NDUFA5: variants seen among roughly 807,000 people sequenced by gnomAD.
NDUFA5 encodes NADH:ubiquinone oxidoreductase subunit A5.
In NDUFA5, 11 loss-of-function variants were observed where a neutral mutation model predicts 19.8. The observed-to-expected ratio is 0.56, with a 90% CI of 0.35 to 0.92. The LOEUF (loss-of-function observed/expected upper bound fraction) is 0.92. Ranked by LOEUF, NDUFA5 falls within the 40% of genes least tolerant of loss-of-function variation. The probability of loss-of-function intolerance (pLI) is 0.01; values close to 1 mark genes in which losing one functional copy is unlikely to be tolerated. For synonymous variants in NDUFA5, 47 were observed against 46.8 expected (o/e 1.00, Z -0.01); for missense variants, 109 against 134.2 (o/e 0.81, Z 0.93).
intron 4 of NDUFA5, 111 bp downstream of exon 4, chr7:123,545,500 C>T (rs1798096001): frequency 1.3e-6 from 1 of 798,426 alleles, no homozygotes; most frequent in South Asian, 1.5e-5. Context: ...ATTAGTCTTA[C>T]ATATTTGACG....
chr7:123,564,346 T>A, the NDUFA5 span, among the ~76,000 whole-genome samples: 1 of 152,184 alleles, frequency 6.6e-6, no homozygotes, highest in Non-Finnish European at 1.5e-5. Context: ...TTTTAAAAAG[T>A]ACTTTGCTCA....
chr7:123,597,490 TC>T, the NDUFA5 span, among the ~76,000 whole-genome samples: 8 of 152,184 alleles, frequency 5.3e-5, no homozygotes, highest in Non-Finnish European at 8.8e-5. Context: ...TACATAGAGT[TC>T]TGTATTATTT....
chr7:123,560,220 A>G (rs1798671665), upstream of NDUFA5, among the ~76,000 whole-genome samples: 1 of 152,186 alleles, frequency 6.6e-6, no homozygotes, highest in African/African-American at 2.4e-5. Flanking sequence ...ACCCCACAAC[A>G]TCATACTTAA....
In NDUFA5 at chr7:123,557,102, T is replaced by C. The variant is rs1353881788; in HGVS notation, c.66+302A>G. ...GAAACGGTAAGGCAAGGAGAAAAGA[T>C]GGAAAACGGAGATATAAATTTGAGA... On this transcript the variant is annotated intron_variant, in intron 2 of 4. Transcript: ENST00000355749. 3 of 604,212 alleles carry C rather than the reference T, an allele frequency of 5.0e-6. No individual in the cohort carries two copies. In the East Asian group the frequency reaches 1.1e-4, roughly 22 times the overall value. 37.4% of individuals were successfully genotyped at this position (604,212 alleles called of 1,614,324 possible). A position where few individuals can be genotyped will look rare whatever the true frequency, so the allele number is the denominator to read the frequency against.
At chr7:123,582,464 T>C in the NDUFA5 span, among the ~76,000 whole-genome samples, 3 of 152,002 alleles carry the variant, frequency 2.0e-5, no homozygotes, top group African/African-American at 4.8e-5. Context: ...TACTCCAGTA[T>C]ATAGTTCAGT....
At chr7:123,598,069 A>G in the NDUFA5 span, among the ~76,000 whole-genome samples, 1 of 151,952 alleles carries the variant, frequency 6.6e-6, no homozygotes, top group East Asian at 1.9e-4. Flanking sequence ...TGTCCCACCC[A>G]TCATGACACT....
At chr7:123,569,872 A>T in the NDUFA5 span, among the ~76,000 whole-genome samples, 1 of 152,174 alleles carries the variant, frequency 6.6e-6, no homozygotes, top group Admixed American at 6.5e-5. Context: ...GGGAATTTGA[A>T]TGTGATAAGA....
At chr7:123,563,530 T>A in the NDUFA5 span, among the ~76,000 whole-genome samples, 1 of 152,152 alleles carries the variant, frequency 6.6e-6, no homozygotes, top group Admixed American at 6.5e-5. Context: ...TAATTACAGA[T>A]CACCATAATA....
intron 1 of NDUFA5, 161 bp downstream of exon 1, chr7:123,557,614 G>T (rs754316079): frequency 2.5e-6 from 4 of 1,613,250 alleles, no homozygotes; most frequent in Non-Finnish European, 3.4e-6. Flanking sequence ...TCTCGGAGCG[G>T]AACCACTAAC....
chr7:123,585,560 G>C, the NDUFA5 span, among the ~76,000 whole-genome samples: 3 of 151,604 alleles, frequency 2.0e-5, no homozygotes, highest in Non-Finnish European at 4.4e-5. Context: ...GTGATTGTTT[G>C]ATATATTTAC....
chr7:123,594,107 G>A, the NDUFA5 span, among the ~76,000 whole-genome samples: 2 of 151,888 alleles, frequency 1.3e-5, no homozygotes, highest in South Asian at 2.1e-4. Flanking sequence ...TGCAGTTCTC[G>A]TACTGTGGTT....
chr7:123,570,159 C>G, the NDUFA5 span, among the ~76,000 whole-genome samples: 1 of 151,186 alleles, frequency 6.6e-6, no homozygotes, highest in South Asian at 2.1e-4. Flanking sequence ...CTCAGCCTCC[C>G]AAGTAGCTGG....
rs748767277 is a variant in NDUFA5, at chr7:123,550,522, T to C, written c.131A>G (p.Tyr44Cys). Reference sequence around the variant, plus strand: ...TGTAATCTGTTCTGTATACTTTCTATATGCTGCATTTTTAGGGATTTCCTC... The same window carrying C: ...TGTAATCTGTTCTGTATACTTTCTACATGCTGCATTTTTAGGGATTTCCTC... ...VLEEIPKNAA[Y>C]RKYTEQITNE... Residue 44 changes from tyrosine to cysteine, a missense_variant, in exon 3 of 5, where the codon TAT (tyrosine) becomes TGT (cysteine). By Grantham distance (194) the Tyr-to-Cys change is radical. Coordinates refer to ENST00000355749, the MANE Select transcript of NDUFA5 (RefSeq NM_005000.5). The C allele has an allele frequency of 1.1e-5, 17 of 1,611,480 alleles. No homozygotes were observed. The highest frequency in any genetic ancestry group is 1.4e-5 in the Non-Finnish European group (16 of 1,178,730).
Position 123,537,170 on chromosome 7 carries a change from A to T in NDUFA5, c.*4949T>A, listed in dbSNP as rs1054136593. On this transcript the variant is annotated 3_prime_UTR_variant, in exon 5 of 5. Coordinates refer to ENST00000355749, the MANE Select transcript of NDUFA5 (RefSeq NM_005000.5). The stretch of plus-strand genomic sequence containing the variant: ...TCCACCAAACGACTTCGTATTTCTC[A>T]TGAAACATCTACCTTTATTCATCTC... The T allele has an allele frequency of 6.6e-6, 1 of 152,196 alleles. No individual in the cohort carries two copies. Among genetic ancestry groups the T allele is most frequent in the African/African-American group, 2.4e-5 (1 of 41,468 alleles). The allele number at this position is 152,196 out of a possible 1,614,324, so 9.4% of individuals were successfully genotyped here. A position where few individuals can be genotyped will look rare whatever the true frequency, so the allele number is the denominator to read the frequency against.
At chr7:123,564,892 GACACACACAC>G in the NDUFA5 span, among the ~76,000 whole-genome samples, 1 of 147,580 alleles carries the variant, frequency 6.8e-6, no homozygotes, top group South Asian at 2.2e-4. Flanking sequence ...GAAGCATCTG[GACACACACAC>G]ACACACACAC....
intron 2 of NDUFA5, among the ~76,000 whole-genome samples, chr7:123,552,712 A>T (rs1022788995): frequency 2.6e-5 from 4 of 151,818 alleles, no homozygotes; most frequent in African/African-American, 9.7e-5. Context: ...AAAAAAGCAG[A>T]TAAGCTAGAA....
At chr7:123,550,358 G>A (rs2116130681) in intron 3 of NDUFA5, 112 bp downstream of exon 3, 5 of 691,838 alleles carry the variant, frequency 7.2e-6, no homozygotes, top group Non-Finnish European at 1.0e-5. Context: ...TGGGAAAAGA[G>A]CATTCAAGGA....
intron 4 of NDUFA5, among the ~76,000 whole-genome samples, chr7:123,543,967 T>A (rs139054186): frequency 7.2e-4 from 109 of 152,334 alleles, no homozygotes; most frequent in East Asian, 4.8e-3. Context: ...TTTGATTTGG[T>A]ATATCATGTC....
chr7:123,581,914 T>A, the NDUFA5 span, among the ~76,000 whole-genome samples: 1 of 152,052 alleles, frequency 6.6e-6, no homozygotes, highest in Non-Finnish European at 1.5e-5. Context: ...ATGAACTTTT[T>A]AGGTAAAGCA....
Sources: allele counts gnomAD v4.1 joint callset (sites outside exome capture counted in the v4.1 genomes callset), GRCh38; gene constraint gnomAD v4.1.1; transcripts MANE v1.5; gene names NCBI Gene and HGNC (gene_info 2026-07-23, HGNC 2026-07-21).